Variants in CYP2C8 observed in about 807,000 individuals in gnomAD.
CYP2C8 encodes the protein cytochrome P450 family 2 subfamily C member 8.
CYP2C8 carries 51 observed loss-of-function variants against 41.3 expected under a neutral mutation model. That is an observed-to-expected ratio of 1.24 (90% CI 0.99 to 1.56). The LOEUF is 1.56. CYP2C8 is among the 40% of genes most tolerant of loss of function. CYP2C8 has a pLI of 0.00. For synonymous variants in CYP2C8, 218 were observed against 205.8 expected, an observed-to-expected ratio of 1.06 and a Z score of -0.51; for missense variants, 651 against 579.9, an observed-to-expected ratio of 1.12 and a Z score of -1.26.
chr10:95,053,732 A>G (rs2033256012), intron 5 of CYP2C8, among the ~76,000 whole-genome samples: 1 of 150,910 alleles, frequency 6.6e-6, no homozygotes, highest in Non-Finnish European at 1.5e-5. Context: ...ACATGGACAC[A>G]GGGAGGGAAA....
At position 95,058,503 on chromosome 10, in the gene CYP2C8, A is replaced by G; in HGVS notation, c.651T>C (p.Asn217=). The change falls in exon 5 of 9, where the codon AAT becomes AAC. Residue 217 remains asparagine, a synonymous_variant. Transcript: ENST00000371270. ...ILNSPWIQVC[N]NFPLLIDCFP... ...AACAATCAATGAGTAGAGGGAAATT[A>G]TTGCAGACCTAAAAGAGAAAAGAAT... 6.2e-7 allele frequency: 1 copy of G among 1,612,120 alleles called. No homozygotes were observed. The highest frequency in any genetic ancestry group is 8.5e-7 in the Non-Finnish European group (1 of 1,178,760).
intron 5 of CYP2C8, among the ~76,000 whole-genome samples, chr10:95,050,029 G>A (rs1237909442): frequency 1.3e-5 from 2 of 151,864 alleles, no homozygotes; most frequent in Non-Finnish European, 2.9e-5. Flanking sequence ...ATATAAAGTC[G>A]ACTTTGTCTT....
rs1308013101 is a variant in CYP2C8 at position 95,053,988 on chromosome 10, T to C, written c.819+4347A>G. Among the ~76,000 whole-genome samples the C allele has an allele frequency of 3.3e-5, 5 of 152,110 alleles. No homozygotes were observed. In the East Asian group the frequency reaches 9.6e-4, roughly 29 times the overall value. ...GGGAAAATTCCTTATCATAATAAAA[T>C]GTATTTATAAAAATTCCAAAGATGT... is the stretch of plus-strand genomic sequence containing the variant. On this transcript the variant is annotated intron_variant, in intron 5 of 8. Transcript: ENST00000371270.
Position 95,067,546 on chromosome 10 carries a change from C to A in CYP2C8, c.314G>T (p.Arg105Ile), listed in dbSNP as rs758378725. 34 of 1,613,980 alleles carry A rather than the reference C, an allele frequency of 2.1e-5. No homozygotes were observed. The highest frequency in any genetic ancestry group is 6.7e-5 in the East Asian group (3 of 44,880). The change falls in exon 2 of 9, where the codon AGA (arginine) becomes ATA (isoleucine). Residue 105 changes from arginine (R) to isoleucine (I), a missense_variant. By Grantham distance (97) the Arg-to-Ile change is moderately conservative. Coordinates refer to ENST00000371270, the MANE Select transcript of CYP2C8 (RefSeq NM_000770.3). Reference protein sequence around the residue: ...SGRGNSPISQRITKGLGIISS... With the variant: ...SGRGNSPISQIITKGLGIISS... ...GCACCTACCAAGTCCTTTAGTAATT[C>A]TTTGAGATATTGGGGAATTGCCTCT...
intron 5 of CYP2C8, among the ~76,000 whole-genome samples, chr10:95,051,860 A>G (rs1281628711): frequency 6.6e-6 from 1 of 152,156 alleles, no homozygotes; most frequent in Non-Finnish European, 1.5e-5. Flanking sequence ...TCAACTATCA[A>G]AATAGAAGAA....
chr10:95,068,701 C>T, intron 1 of CYP2C8: 1 of 898,038 alleles, frequency 1.1e-6, no homozygotes, highest in Non-Finnish European at 1.6e-6. Flanking sequence ...ATACAATGAC[C>T]CCAATGTTTC....
chr10:95,060,096 C>T (rs998332670), intron 4 of CYP2C8, among the ~76,000 whole-genome samples: 4 of 152,076 alleles, frequency 2.6e-5, no homozygotes, highest in Non-Finnish European at 4.4e-5. Flanking sequence ...CAGCTTTGTT[C>T]TTTTGGCTTA....
At position 95,067,342 on chromosome 10, in the gene CYP2C8, T is replaced by A. The variant is rs763545622; in HGVS notation, c.347A>T (p.Asn116Ile). Residue 116 changes from asparagine (N) to isoleucine (I), a missense_variant, in exon 3 of 9, where the codon AAT (asparagine) becomes ATT (isoleucine). Asn to Ile is a moderately radical substitution (Grantham distance 149). Coordinates refer to ENST00000371270, the MANE Select transcript of CYP2C8 (RefSeq NM_000770.3). ...CCGGATCTCCTTCCATCTCTTTCCATTGCTGGAAATGATTCCTAATAAAAA... is the reference window on the plus strand; with the variant it reads ...CCGGATCTCCTTCCATCTCTTTCCAATGCTGGAAATGATTCCTAATAAAAA... The part of the protein sequence containing the change: ...ITKGLGIISS[N>I]GKRWKEIRRF... The A allele has an allele frequency of 3.7e-6, 6 of 1,610,568 alleles. No individual in the cohort carries two copies. The highest frequency in any genetic ancestry group is 4.2e-6 in the Non-Finnish European group (5 of 1,179,604).
chr10:95,046,715 T>G (rs1206436415), intron 5 of CYP2C8, among the ~76,000 whole-genome samples: 2 of 141,970 alleles, frequency 1.4e-5, no homozygotes, highest in Admixed American at 1.5e-4. Context: ...GAGCATTTGA[T>G]CATAGTAATG....
intron 1 of CYP2C8, chr10:95,068,689 T>C: frequency 1.0e-6 from 1 of 1,001,494 alleles, no homozygotes; most frequent in Non-Finnish European, 1.4e-6. Context: ...AATGATTATA[T>C]AATACAATGA....
intron 8 of CYP2C8, 134 bp downstream of exon 8, chr10:95,038,763 T>G: frequency 1.3e-6 from 1 of 795,376 alleles, no homozygotes; most frequent in Non-Finnish European, 2.1e-6. Flanking sequence ...AGCACATGGG[T>G]GTTAAGAGTG....
At chr10:95,049,646 G>A (rs1272239527) in intron 5 of CYP2C8, among the ~76,000 whole-genome samples, 1 of 152,078 alleles carries the variant, frequency 6.6e-6, no homozygotes, top group Non-Finnish European at 1.5e-5. Context: ...GCTCTGGGAT[G>A]GTAAATAAAC....
intron 7 of CYP2C8, among the ~76,000 whole-genome samples, chr10:95,042,076 G>C (rs986037101): frequency 1.8e-4 from 28 of 152,180 alleles, no homozygotes; most frequent in African/African-American, 5.8e-4. Flanking sequence ...ATCATTCTCA[G>C]TAGTGAAATA....
At chr10:95,068,520 A>C in intron 1 of CYP2C8, 2 of 1,086,076 alleles carry the variant, frequency 1.8e-6, no homozygotes, top group South Asian at 2.6e-5. Flanking sequence ...TTCAATTTTC[A>C]TGACCATTCT....
chr10:95,069,147 T>A, intron 1 of CYP2C8, 88 bp downstream of exon 1: 1 of 1,395,858 alleles, frequency 7.2e-7, no homozygotes, highest in African/African-American at 1.4e-5. Context: ...ATTATAATAG[T>A]GTGCTTCCAG....
At chr10:95,050,854 G>A (rs1402476800) in intron 5 of CYP2C8, among the ~76,000 whole-genome samples, 3 of 149,278 alleles carry the variant, frequency 2.0e-5, no homozygotes, top group Non-Finnish European at 3.0e-5. Flanking sequence ...TATCTGGAAA[G>A]CCTAACAAGA....
Position 95,049,665 on chromosome 10 carries a change from C to T in CYP2C8, c.820-3714G>A, listed in dbSNP as rs182549156. ...TGGGATGGTAAATAAACCTGAAAGG[C>T]AGTGTTGGCTACAAGTACTGTAACT... On this transcript the variant is annotated intron_variant, in intron 5 of 8. Coordinates refer to ENST00000371270, the MANE Select transcript of CYP2C8 (RefSeq NM_000770.3). Among the ~76,000 whole-genome samples, 25 of 152,192 alleles carry T rather than the reference C, an allele frequency of 1.6e-4. 2 individuals are homozygous for T. The highest frequency in any genetic ancestry group is 5.5e-4 in the African/African-American group (23 of 41,552).
chr10:95,047,019 A>T (rs943700181), intron 5 of CYP2C8, among the ~76,000 whole-genome samples: 5 of 152,140 alleles, frequency 3.3e-5, no homozygotes, highest in African/African-American at 1.2e-4. Context: ...CCTTGATGTT[A>T]TCCTGATAAT....
chr10:95,060,550 T>A (rs1440416359), intron 4 of CYP2C8, among the ~76,000 whole-genome samples: 1 of 152,098 alleles, frequency 6.6e-6, no homozygotes. Flanking sequence ...TGGGCTGAGA[T>A]GATGGGGTTT....
Sources: allele counts gnomAD v4.1 joint callset (sites outside exome capture counted in the v4.1 genomes callset), GRCh38; gene constraint gnomAD v4.1.1; transcripts MANE v1.5; gene names NCBI Gene and HGNC (gene_info 2026-07-23, HGNC 2026-07-21).